BUB3: variants seen among roughly 807,000 people sequenced by gnomAD.
The protein encoded by BUB3 is BUB3 mitotic checkpoint protein.
In BUB3, 22 loss-of-function variants were observed where a neutral mutation model predicts 39.9. The ratio of observed to expected loss-of-function variants is 0.55; its 90% CI spans 0.39 to 0.79. BUB3 has a LOEUF of 0.79. BUB3 is among the 30% of genes least tolerant of loss of function. The pLI is 0.00. For synonymous variants in BUB3, 168 were observed against 155.1 expected, an observed-to-expected ratio of 1.08 and a Z score of -0.62; for missense variants, 303 against 415.4, an observed-to-expected ratio of 0.73 and a Z score of 2.35.
Position 123,168,347 on chromosome 10 carries a change from T to C in BUB3, c.*4512T>C, listed in dbSNP as rs986935702. 1 of 152,164 alleles carries C rather than the reference T, an allele frequency of 6.6e-6. No homozygotes were observed. Among genetic ancestry groups the C allele is most frequent in the Non-Finnish European group, 1.5e-5 (1 of 68,024 alleles). 9.4% of individuals were successfully genotyped at this position (152,164 alleles called of 1,614,324 possible). A position where few individuals can be genotyped will look rare whatever the true frequency, so the allele number is the denominator to read the frequency against. ...ATGCCTGGGTAGACAAATTTAAAGA[T>C]GTTATTTGGGATGGTGTGACTTGCA... On this transcript the variant is annotated 3_prime_UTR_variant, in exon 8 of 8. Transcript: ENST00000368865.
chr10:123,162,599 A>T lies in BUB3; in HGVS notation c.755-13A>T. Reference sequence around the variant, plus strand: ...GTTAAGAACCATTTTAACTGTTTTGAAATTACTTCCAGGTGGTTCTGATGG... The same window carrying T: ...GTTAAGAACCATTTTAACTGTTTTGTAATTACTTCCAGGTGGTTCTGATGG... On this transcript the variant is annotated splice_polypyrimidine_tract_variant and intron_variant, in intron 6 of 7. Coordinates refer to ENST00000368865, the MANE Select transcript of BUB3 (RefSeq NM_004725.4). The T allele has an allele frequency of 6.2e-7, 1 of 1,600,826 alleles. No homozygotes were observed. Among genetic ancestry groups the T allele is most frequent in the East Asian group, 2.2e-5 (1 of 44,848 alleles).
At position 123,155,045 on chromosome 10, in the gene BUB3, A is replaced by T. The variant is rs1410153166; in HGVS notation, c.128A>T (p.Asp43Val). The T allele has an allele frequency of 1.2e-6, 2 of 1,614,142 alleles. No homozygotes were observed. The highest frequency in any genetic ancestry group is 2.2e-5 in the South Asian group (2 of 91,074). Residue 43 changes from aspartate (D) to valine (V), a missense_variant, in exon 2 of 8, where the codon GAT (aspartate) becomes GTT (valine). This residue lies in a region of BUB3 where 121 missense variants were observed against 122.3 expected (regional missense o/e 0.99). Transcript: ENST00000368865. ...TGGGACACGTCCGTGCGTCTCTACG[A>T]TGTGCCGGCCAACTCCATGCGGCTC... ...SSWDTSVRLY[D>V]VPANSMRLKY...
chr10:123,160,381 T>C (rs1343887520), intron 4 of BUB3, 26 bp from the exon 5 acceptor site: 1 of 1,485,384 alleles, frequency 6.7e-7, no homozygotes, highest in South Asian at 1.4e-5. Flanking sequence ...AGGTGATTTT[T>C]AGCAAGTTTT....
rs746909888 is a variant in BUB3, at chr10:123,162,685, C to T, written c.828C>T (p.Pro276=). The part of the protein sequence containing the change: ...KKRLCQFHRY[P]TSIASLAFSN... ...GACTGTGCCAATTCCATCGGTACCC[C>T]ACGAGCATCGCATCACTTGCCTTCA... is the stretch of plus-strand genomic sequence containing the variant. Residue 276 remains proline (P), a synonymous_variant, in exon 7 of 8, where the codon CCC becomes CCT. Transcript: ENST00000368865. 1 of 1,610,538 alleles carries T rather than the reference C, an allele frequency of 6.2e-7. No homozygotes were observed. The highest frequency in any genetic ancestry group is 2.2e-5 in the East Asian group (1 of 44,862).
intron 4 of BUB3, among the ~76,000 whole-genome samples, chr10:123,159,389 A>G (rs1339471712): frequency 1.3e-5 from 2 of 152,206 alleles, no homozygotes; most frequent in African/African-American, 4.8e-5. Flanking sequence ...TGCATTTTTT[A>G]TGGCAGTTCT....
At chr10:123,160,923 A>G (rs1401170050) in intron 5 of BUB3, among the ~76,000 whole-genome samples, 2 of 152,178 alleles carry the variant, frequency 1.3e-5, no homozygotes, top group Non-Finnish European at 2.9e-5. Flanking sequence ...GCTGAATTAA[A>G]ATTTATATCT....
Position 123,160,278 on chromosome 10 carries a change from T to G in BUB3, c.418-129T>G. ...GAATAATTGCAGTATCTAAAATTGTTATCTGTGATTGGGGAATTCAGTCAG... is the reference window on the plus strand; with the variant it reads ...GAATAATTGCAGTATCTAAAATTGTGATCTGTGATTGGGGAATTCAGTCAG... On this transcript the variant is annotated intron_variant, in intron 4 of 7. Coordinates refer to ENST00000368865, the MANE Select transcript of BUB3 (RefSeq NM_004725.4). 3 of 786,982 alleles carry G rather than the reference T, an allele frequency of 3.8e-6. No homozygotes were observed. The Admixed American group carries it at 9.4e-5, about 25-fold the overall frequency. 48.7% of individuals were successfully genotyped at this position (786,982 alleles called of 1,614,324 possible). A position where few individuals can be genotyped will look rare whatever the true frequency, so the allele number is the denominator to read the frequency against.
At chr10:123,155,866 T>TA in intron 3 of BUB3, 139 bp downstream of exon 3, 1 of 704,250 alleles carries the variant, frequency 1.4e-6, no homozygotes, top group East Asian at 2.7e-5. Flanking sequence ...AGGATTTTTT[T>TA]AATTTAAATG....
At position 123,162,418 on chromosome 10, in the gene BUB3, A is replaced by G. The variant is rs369571951; in HGVS notation, c.754+5A>G. The G allele has an allele frequency of 8.1e-6, 13 of 1,612,518 alleles. No homozygotes were observed. In the African/African-American group the frequency reaches 1.5e-4, roughly 18 times the overall value. ...TCCACAATACATTTGCCACAGGTAA[A>G]GTATGGCATGCTGACCTATATTTAA... On this transcript the variant is annotated splice_donor_5th_base_variant and intron_variant, in intron 6 of 7. Transcript: ENST00000368865.
intron 4 of BUB3, 70 bp downstream of exon 4, chr10:123,157,950 G>C: frequency 1.4e-6 from 2 of 1,420,010 alleles, no homozygotes; most frequent in Non-Finnish European, 1.9e-6. Flanking sequence ...CATGATTGTT[G>C]ACTATGCTTG....
chr10:123,162,998 A>T (rs950202903), intron 7 of BUB3, 170 bp downstream of exon 7: 4 of 654,274 alleles, frequency 6.1e-6, no homozygotes, highest in Admixed American at 3.3e-5. Context: ...CCGTAGGTTG[A>T]TAGACGTCTG....
Position 123,165,031 on chromosome 10 carries a change from A to G in BUB3, c.*1196A>G, listed in dbSNP as rs1844471678. On this transcript the variant is annotated 3_prime_UTR_variant, in exon 8 of 8. Transcript: ENST00000368865. Reference sequence around the variant, plus strand: ...AGTCTGAACCCATCTTTTGAAATGTATTTTCTTCATTGCAGGTCCACCTAA... The same window carrying G: ...AGTCTGAACCCATCTTTTGAAATGTGTTTTCTTCATTGCAGGTCCACCTAA... 1 of 1,611,894 alleles carries G rather than the reference A, an allele frequency of 6.2e-7. No homozygotes were observed. Among genetic ancestry groups the G allele is most frequent in the Non-Finnish European group, 8.5e-7 (1 of 1,179,386 alleles).
In BUB3 at chr10:123,157,747, A is replaced by G. The variant is rs762726735; in HGVS notation, c.284A>G (p.His95Arg). The change falls in exon 4 of 8, where the codon CAT (histidine) becomes CGT (arginine). Residue 95 changes from histidine (H) to arginine (R), a missense_variant. Physicochemically the swap from His to Arg is conservative, Grantham distance 29. Transcript: ENST00000368865. ...TCTATAGAAAATCTTGTTGGGACCCATGATGCCCCTATCAGATGTGTTGAA... is the reference window on the plus strand; with the variant it reads ...TCTATAGAAAATCTTGTTGGGACCCGTGATGCCCCTATCAGATGTGTTGAA... ...NTDQENLVGT[H>R]DAPIRCVEYC... 1 of 1,604,262 alleles carries G rather than the reference A, an allele frequency of 6.2e-7. No homozygotes were observed. The highest frequency in any genetic ancestry group is 2.2e-5 in the East Asian group (1 of 44,586).
At chr10:123,158,713 T>C (rs1317843770) in intron 4 of BUB3, among the ~76,000 whole-genome samples, 2 of 152,224 alleles carry the variant, frequency 1.3e-5, no homozygotes, top group Admixed American at 6.5e-5. Flanking sequence ...AATAAAATAA[T>C]TGCATTGTTT....
intron 3 of BUB3, among the ~76,000 whole-genome samples, chr10:123,156,543 T>A (rs1248638830): frequency 6.6e-6 from 1 of 152,228 alleles, no homozygotes; most frequent in African/African-American, 2.4e-5. Flanking sequence ...CTGTAACTTA[T>A]ACTGCAGGTA....
At chr10:123,163,516 A>G (rs1589691653) in intron 7 of BUB3, among the ~76,000 whole-genome samples, 1 of 152,176 alleles carries the variant, frequency 6.6e-6, no homozygotes, top group African/African-American at 2.4e-5. Flanking sequence ...CCCTCTCCCC[A>G]GGCCCTTAAA....
rs567462989 is a variant in BUB3, at chr10:123,164,506, C to T, written c.*671C>T. 133 of 985,660 alleles carry T rather than the reference C, an allele frequency of 1.3e-4. 1 individual carries two copies. The Middle Eastern group carries it at 3.1e-3, about 23-fold the overall frequency. The allele number at this position is 985,660 out of a possible 1,614,324, so 61.1% of individuals were successfully genotyped here. On this transcript the variant is annotated 3_prime_UTR_variant, in exon 8 of 8. Transcript: ENST00000368865. ...TTATTTATTAGCAAACAATTGATCC[C>T]AGAAGGGCAAATTGTTTGAGTCAGT... is the stretch of plus-strand genomic sequence containing the variant.
Position 123,165,106 on chromosome 10 carries a change from A to G in BUB3, c.*1271A>G, listed in dbSNP as rs1490249006. 4.5e-6 allele frequency: 7 copies of G among 1,568,150 alleles called. No homozygotes were observed. In the African/African-American group the frequency reaches 9.5e-5, roughly 21 times the overall value. ...ATGGAAAGCTTTGTTTGCTTCCTAC[A>G]AATACATGCTTATTCCTTAAGGGAT... is the stretch of plus-strand genomic sequence containing the variant. On this transcript the variant is annotated 3_prime_UTR_variant, in exon 8 of 8. Transcript: ENST00000368865.
Position 123,162,776 on chromosome 10 carries a change from C to A in BUB3, c.919C>A (p.Pro307Thr). 1 of 1,613,910 alleles carries A rather than the reference C, an allele frequency of 6.2e-7. No homozygotes were observed. Among genetic ancestry groups the A allele is most frequent in the Non-Finnish European group, 8.5e-7 (1 of 1,179,948 alleles). ...GTATGAAATGGATGACACAGAACAT[C>A]CTGAAGATGGTATCTTCATTCGCCA... Reference protein sequence around the residue: ...YMYEMDDTEHPEDGIFIRQVT... With the variant: ...YMYEMDDTEHTEDGIFIRQVT... Residue 307 changes from proline to threonine, a missense_variant, in exon 7 of 8, where the codon CCT (proline) becomes ACT (threonine). This residue lies in a region of BUB3 where 182 missense variants were observed against 293.1 expected (regional missense o/e 0.62). Coordinates refer to ENST00000368865, the MANE Select transcript of BUB3 (RefSeq NM_004725.4).
Sources: gnomAD v4.1 joint callset for allele counts (sites outside exome capture counted in the v4.1 genomes callset) on GRCh38, gnomAD v4.1.1 for gene constraint, gnomAD v4.1.1 regional missense constraint, MANE v1.5 for transcripts, NCBI Gene and HGNC (gene_info 2026-07-23, HGNC 2026-07-21) for gene names.